The following ATP7A variants were observed in gnomAD, a reference collection of about 807,000 sequenced individuals.
The protein encoded by ATP7A is ATPase copper transporting alpha, also known as copper-transporting ATPase 1.
In ATP7A, 7 loss-of-function variants were observed where a neutral mutation model predicts 83.5. The observed-to-expected ratio is 0.08, with a 90% CI of 0.05 to 0.16. The LOEUF (loss-of-function observed/expected upper bound fraction) is 0.16, where lower values mean the gene tolerates loss of function less well. ATP7A is among the 10% of genes least tolerant of loss of function. The probability of loss-of-function intolerance (pLI) is 1.00; values close to 1 mark genes in which losing one functional copy is unlikely to be tolerated. For missense variants in ATP7A, 940 were observed against 1,120.8 expected (o/e 0.84, Z 2.30); for synonymous variants, 354 against 395.2 (o/e 0.90, Z 1.24).
chrX:77,980,060 G>T (rs1442769231), intron 2 of ATP7A, among the ~76,000 whole-genome samples: 1 of 112,131 alleles, frequency 8.9e-6, no homozygotes, highest in Non-Finnish European at 1.9e-5. Context: ...AATTTAATTA[G>T]ATATAAGTAC....
At chrX:78,014,969 T>C (rs1557234973) in intron 11 of ATP7A, among the ~76,000 whole-genome samples, 1 of 112,160 alleles carries the variant, frequency 8.9e-6, no homozygotes, top group Non-Finnish European at 1.9e-5. Flanking sequence ...GTTTTACGGC[T>C]AAATATTCTG....
chrX:78,020,311 G>A lies in ATP7A; in HGVS notation c.2694G>A (p.Gly898=), dbSNP rs2149099672. Residue 898 remains glycine (G), a synonymous_variant, in exon 13 of 23, where the codon GGG becomes GGA. Coordinates refer to ENST00000341514, the MANE Select transcript of ATP7A (RefSeq NM_000052.7). ...TTGCTGGTTCCATTAACCAGAACGG[G>A]TCACTGCTTATCTGCGCAACACATG... ...TVIAGSINQN[G]SLLICATHVG... is the part of the protein sequence containing the mutation. The A allele has an allele frequency of 1.7e-6, 2 of 1,211,564 alleles. No homozygotes were observed. Among genetic ancestry groups the A allele is most frequent in the Non-Finnish European group, 1.1e-6 (1 of 895,354 alleles).
intron 19 of ATP7A, among the ~76,000 whole-genome samples, chrX:78,040,984 T>C (rs1056507044): frequency 1.8e-5 from 2 of 111,506 alleles, no homozygotes; most frequent in East Asian, 5.6e-4. Flanking sequence ...TCTGTTGATG[T>C]GCCCTTTGAA....
intron 10 of ATP7A, 73 bp from the exon 11 acceptor site, chrX:78,014,589 T>C: frequency 2.6e-6 from 2 of 774,671 alleles, no homozygotes; most frequent in South Asian, 2.2e-5. Flanking sequence ...TGCTAAAGAT[T>C]GTATTTTTAT....
chrX:78,041,048 C>T (rs2078044270), intron 19 of ATP7A, among the ~76,000 whole-genome samples: 2 of 111,235 alleles, frequency 1.8e-5, no homozygotes, highest in Admixed American at 1.9e-4. Context: ...CTCTCCTGAT[C>T]TCATGCCTGA....
chrX:77,919,550 G>T (rs2077201130), intron 1 of ATP7A, among the ~76,000 whole-genome samples: 1 of 112,453 alleles, frequency 8.9e-6, no homozygotes. Context: ...CAGTGCAATG[G>T]TGTGATCTCT....
At chrX:78,027,762 T>C (rs1029336219) in intron 14 of ATP7A, among the ~76,000 whole-genome samples, 3 of 111,052 alleles carry the variant, frequency 2.7e-5, no homozygotes, top group Admixed American at 1.9e-4. Context: ...TTGAACAAAA[T>C]AGAGAACCCA....
chrX:77,939,011 T>G (rs1350838536), intron 1 of ATP7A, among the ~76,000 whole-genome samples: 1 of 112,031 alleles, frequency 8.9e-6, no homozygotes, highest in Non-Finnish European at 1.9e-5. Flanking sequence ...ATCCACTTAT[T>G]TTGGCTGGGC....
intron 1 of ATP7A, among the ~76,000 whole-genome samples, chrX:77,929,695 C>T (rs782314223): frequency 8.4e-5 from 9 of 106,556 alleles, no homozygotes; most frequent in African/African-American, 1.7e-4. Flanking sequence ...CTTGAACTCC[C>T]GGGCTCAAGC....
At chrX:77,991,947 C>T (rs966464827) in intron 4 of ATP7A, among the ~76,000 whole-genome samples, 12 of 109,990 alleles carry the variant, frequency 1.1e-4, no homozygotes, top group African/African-American at 3.3e-4. Context: ...TGCTTAAGCC[C>T]GGAAGTCAAG....
At chrX:77,980,728 G>C (rs2077600284) in intron 2 of ATP7A, among the ~76,000 whole-genome samples, 1 of 110,734 alleles carries the variant, frequency 9.0e-6, no homozygotes, top group Admixed American at 9.6e-5. Flanking sequence ...GAGTGCAGTG[G>C]TGCGATCTCG....
chrX:77,950,614 G>T (rs1557226697), intron 1 of ATP7A, among the ~76,000 whole-genome samples: 1 of 111,512 alleles, frequency 9.0e-6, no homozygotes, highest in African/African-American at 3.3e-5. Context: ...GATTTTAAAA[G>T]TTATTAGTGA....
chrX:77,948,024 G>A (rs1301267821), intron 1 of ATP7A, among the ~76,000 whole-genome samples: 2 of 110,202 alleles, frequency 1.8e-5, no homozygotes, highest in Non-Finnish European at 1.9e-5. Flanking sequence ...ACAGGCGTGA[G>A]CCACCATGCC....
intron 1 of ATP7A, among the ~76,000 whole-genome samples, chrX:77,915,933 C>T (rs1402700673): frequency 1.8e-5 from 2 of 111,984 alleles, no homozygotes; most frequent in Non-Finnish European, 3.8e-5. Context: ...GTTGGCCAGC[C>T]TGGTCTCAAA....
At chrX:78,037,314 A>G (rs1410333804) in intron 17 of ATP7A, among the ~76,000 whole-genome samples, 1 of 112,458 alleles carries the variant, frequency 8.9e-6, no homozygotes, top group Non-Finnish European at 1.9e-5. Flanking sequence ...GACTCTTTAA[A>G]TTAGTTAATT....
At chrX:78,016,381 G>GT (rs2077864510) in intron 12 of ATP7A, among the ~76,000 whole-genome samples, 1 of 110,987 alleles carries the variant, frequency 9.0e-6, no homozygotes, top group Non-Finnish European at 1.9e-5. Flanking sequence ...TGAGATTTGG[G>GT]TGGGGACACA....
At chrX:77,928,133 A>G (rs2077252460) in intron 1 of ATP7A, among the ~76,000 whole-genome samples, 1 of 109,823 alleles carries the variant, frequency 9.1e-6, no homozygotes, top group Non-Finnish European at 1.9e-5. Flanking sequence ...GGCTAATTTA[A>G]AAATTTTTTG....
Position 78,048,953 on chromosome X carries a change from G to C in ATP7A, c.*2383G>C, listed in dbSNP as rs782819360. ...TCTTGGTCTTGTATTCATATTGTGG[G>C]ACAGTGGGAATAGCAGCTTGTAGTA... On this transcript the variant is annotated 3_prime_UTR_variant, in exon 23 of 23. Coordinates refer to ENST00000341514, the MANE Select transcript of ATP7A (RefSeq NM_000052.7). 9.0e-6 allele frequency: 1 copy of C among 111,682 alleles called. No individual in the cohort carries two copies. Among genetic ancestry groups the C allele is most frequent in the Non-Finnish European group, 1.9e-5 (1 of 53,152 alleles). 9.2% of individuals were successfully genotyped at this position (111,682 alleles called of 1,213,427 possible). A position where few individuals can be genotyped will look rare whatever the true frequency, so the allele number is the denominator to read the frequency against.
chrX:77,954,455 C>T (rs1466613168), intron 1 of ATP7A, among the ~76,000 whole-genome samples: 2 of 112,099 alleles, frequency 1.8e-5, no homozygotes, highest in Non-Finnish European at 3.8e-5. Flanking sequence ...ATACACCTGC[C>T]TACTTCAGTT....
Sources: gnomAD v4.1 joint callset for allele counts (sites outside exome capture counted in the v4.1 genomes callset) on GRCh38, gnomAD v4.1.1 for gene constraint, MANE v1.5 for transcripts, NCBI Gene and HGNC (gene_info 2026-07-23, HGNC 2026-07-21) for gene names.